Variants in DPP10 observed in about 807,000 individuals in gnomAD.
DPP10 encodes inactive dipeptidyl peptidase 10.
Under a neutral mutation model 120.9 loss-of-function variants are expected in DPP10, and 33 were observed. The observed-to-expected ratio is 0.27, with a 90% CI of 0.21 to 0.37. The LOEUF (loss-of-function observed/expected upper bound fraction) is 0.37, where lower values mean the gene tolerates loss of function less well. Among genes scored for constraint, DPP10 ranks in the 10% least tolerant of loss-of-function variants. The pLI, the probability that DPP10 is intolerant of heterozygous loss-of-function variation, is 1.00. For missense variants in DPP10, 816 were observed against 942.8 expected, an observed-to-expected ratio of 0.87 and a Z score of 1.76; for synonymous variants, 337 against 326.1, an observed-to-expected ratio of 1.03 and a Z score of -0.36.
intron 1 of DPP10, among the ~76,000 whole-genome samples, chr2:115,060,699 C>G (rs1706332731): frequency 6.6e-6 from 1 of 152,214 alleles, no homozygotes; most frequent in African/African-American, 2.4e-5. Context: ...AGCTCATTCA[C>G]AACATCTTTT....
intron 1 of DPP10, among the ~76,000 whole-genome samples, chr2:114,576,785 T>A (rs1372310625): frequency 6.6e-6 from 1 of 152,184 alleles, no homozygotes; most frequent in Admixed American, 6.5e-5. Flanking sequence ...ACTCAAGATA[T>A]GTTCTTTGGC....
At chr2:115,760,588 C>G (rs1456012303) in intron 11 of DPP10, among the ~76,000 whole-genome samples, 2 of 152,142 alleles carry the variant, frequency 1.3e-5, no homozygotes, top group Non-Finnish European at 2.9e-5. Context: ...GGAGAGCCCT[C>G]AAGAGGCAGA....
In DPP10 at chr2:115,085,820, A is replaced by G. The variant is rs1017308015; in HGVS notation, c.61-223419A>G. 2.6e-5 allele frequency among the ~76,000 whole-genome samples: 4 copies of G among 152,242 alleles called. No individual in the cohort carries two copies. The South Asian group carries it at 6.2e-4, about 24-fold the overall frequency. On this transcript the variant is annotated intron_variant, in intron 1 of 25. Coordinates refer to ENST00000410059, the MANE Select transcript of DPP10 (RefSeq NM_020868.6). ...TCCACTAAATAAATAAATATATTGT[A>G]CACACATCACATACATATGTGCCAT...
chr2:115,379,240 G>T (rs2066081889), intron 3 of DPP10, among the ~76,000 whole-genome samples: 1 of 152,258 alleles, frequency 6.6e-6, no homozygotes, highest in East Asian at 1.9e-4. Context: ...TCCTGTTATT[G>T]GTCTATTCAG....
At chr2:114,845,247 A>G (rs1688453638) in intron 1 of DPP10, among the ~76,000 whole-genome samples, 1 of 152,142 alleles carries the variant, frequency 6.6e-6, no homozygotes, top group Non-Finnish European at 1.5e-5. Flanking sequence ...CAATCAAGAA[A>G]CTTACAATCT....
chr2:115,530,824 A>C (rs1264190327), intron 5 of DPP10, among the ~76,000 whole-genome samples: 1 of 152,156 alleles, frequency 6.6e-6, no homozygotes, highest in East Asian at 1.9e-4. Context: ...CTCTGATTTA[A>C]TTGGCCTGAG....
intron 5 of DPP10, among the ~76,000 whole-genome samples, chr2:115,605,246 G>A (rs566828179): frequency 2.0e-5 from 3 of 152,140 alleles, no homozygotes; most frequent in African/African-American, 7.2e-5. Flanking sequence ...ATGCTGATAA[G>A]AAACATAATA....
intron 1 of DPP10, among the ~76,000 whole-genome samples, chr2:115,019,049 C>A (rs945245779): frequency 6.6e-6 from 1 of 151,822 alleles, no homozygotes; most frequent in Non-Finnish European, 1.5e-5. Flanking sequence ...CAGCACCCAC[C>A]TGCCACCCCT....
At chr2:115,055,316 C>A (rs1705815159) in intron 1 of DPP10, among the ~76,000 whole-genome samples, 1 of 152,152 alleles carries the variant, frequency 6.6e-6, no homozygotes, top group African/African-American at 2.4e-5. Context: ...AGCTATGCAA[C>A]TCAACACAAG....
chr2:115,267,855 T>G (rs1050112220), intron 1 of DPP10, among the ~76,000 whole-genome samples: 4 of 152,192 alleles, frequency 2.6e-5, no homozygotes, highest in African/African-American at 9.6e-5. Context: ...GTAGTTATCC[T>G]TCTCTGTCTT....
intron 1 of DPP10, among the ~76,000 whole-genome samples, chr2:114,600,476 G>A (rs977354643): frequency 2.6e-5 from 4 of 151,622 alleles, no homozygotes; most frequent in African/African-American, 9.7e-5. Flanking sequence ...ATAACAGCTG[G>A]TTTAAAGTCC....
intron 4 of DPP10, among the ~76,000 whole-genome samples, chr2:115,519,310 G>A (rs1334206000): frequency 1.3e-5 from 2 of 152,230 alleles, no homozygotes; most frequent in South Asian, 2.1e-4. Context: ...ATATGGATTA[G>A]TAGGTATTGA....
chr2:114,798,376 A>G (rs990135766), intron 1 of DPP10, among the ~76,000 whole-genome samples: 19 of 152,234 alleles, frequency 1.2e-4, no homozygotes, highest in Non-Finnish European at 2.9e-5. Context: ...CTATTTTTAC[A>G]TCTTTTCTGT....
intron 5 of DPP10, among the ~76,000 whole-genome samples, chr2:115,577,573 A>G (rs1361991688): frequency 1.3e-5 from 2 of 152,214 alleles, no homozygotes; most frequent in Admixed American, 6.5e-5. Flanking sequence ...TAGGGCTTCT[A>G]TAATAAAGTA....
At chr2:114,740,068 T>G (rs1376730475) in intron 1 of DPP10, among the ~76,000 whole-genome samples, 1 of 151,792 alleles carries the variant, frequency 6.6e-6, no homozygotes, top group Non-Finnish European at 1.5e-5. Flanking sequence ...GTATGTTTAT[T>G]GCAGCACTAT....
chr2:114,617,045 G>GA (rs1352008541), intron 1 of DPP10, among the ~76,000 whole-genome samples: 1 of 152,042 alleles, frequency 6.6e-6, no homozygotes, highest in Admixed American at 6.6e-5. Flanking sequence ...GTTAACATCA[G>GA]AAAAATTCAT....
At chr2:115,059,880 A>G (rs957376941) in intron 1 of DPP10, among the ~76,000 whole-genome samples, 2 of 152,092 alleles carry the variant, frequency 1.3e-5, no homozygotes, top group South Asian at 2.1e-4. Flanking sequence ...TTTATTTGCA[A>G]CAGAAAGAGA....
intron 1 of DPP10, among the ~76,000 whole-genome samples, chr2:115,245,267 G>A (rs1318463335): frequency 6.6e-6 from 1 of 151,642 alleles, no homozygotes; most frequent in Non-Finnish European, 1.5e-5. Flanking sequence ...AGGCTGGTTC[G>A]TATTTCTGCA....
At chr2:115,737,725 A>G (rs183420873) in intron 8 of DPP10, among the ~76,000 whole-genome samples, 9 of 152,316 alleles carry the variant, frequency 5.9e-5, no homozygotes, top group African/African-American at 9.6e-5. Flanking sequence ...ACATATGTCA[A>G]TGCGGCTTGT....
Sources: allele counts gnomAD v4.1 joint callset (sites outside exome capture counted in the v4.1 genomes callset), GRCh38; gene constraint gnomAD v4.1.1; transcripts MANE v1.5; gene names NCBI Gene and HGNC (gene_info 2026-07-23, HGNC 2026-07-21).